Variants in SCAP observed in about 807,000 individuals in gnomAD.
SCAP encodes SREBF chaperone, also known as sterol regulatory element-binding protein cleavage-activating protein.
In SCAP, 65 loss-of-function variants were observed where a neutral mutation model predicts 123.6. The observed-to-expected ratio is 0.53, with a 90% CI of 0.43 to 0.65. The LOEUF (loss-of-function observed/expected upper bound fraction) is 0.65. Ranked by LOEUF, SCAP falls within the 30% of genes least tolerant of loss-of-function variation. SCAP has a pLI of 0.00. For synonymous variants in SCAP, 740 were observed against 726.3 expected (o/e 1.02, Z -0.30); for missense variants, 1,398 against 1,712.5 (o/e 0.82, Z 3.24).
chr3:47,434,467 C>T (rs536010802), intron 3 of SCAP, among the ~76,000 whole-genome samples: 4 of 152,270 alleles, frequency 2.6e-5, no homozygotes, highest in East Asian at 3.9e-4. Context: ...TATCAGTGTT[C>T]GGCCCAGAGA....
intron 18 of SCAP, among the ~76,000 whole-genome samples, chr3:47,416,208 C>T (rs3796354): frequency 1.2e-4 from 18 of 152,198 alleles, no homozygotes; most frequent in Non-Finnish European, 2.1e-4. Context: ...CAAAGGCGTC[C>T]GGCAGAAGGC....
chr3:47,435,469 T>TACACACACACACACAC lies in SCAP; in HGVS notation c.123-348_123-333dup, dbSNP rs57702290. On this transcript the variant is annotated intron_variant, in intron 2 of 22. Transcript: ENST00000265565. The stretch of plus-strand genomic sequence containing the variant: ...AACATTAACATATATAATATAAACA[T>TACACACACACACACAC]ACACACACACACACACACACACACA... Among the ~76,000 whole-genome samples, 229 of 91,942 alleles carry TACACACACACACACAC rather than the reference T, an allele frequency of 2.5e-3. 2 individuals are homozygous for TACACACACACACACAC. The highest frequency in any genetic ancestry group is 7.4e-3 in the African/African-American group (214 of 28,912). 60.3% of individuals were successfully genotyped at this position (91,942 alleles called of 152,430 possible).
At chr3:47,471,443 C>A (rs916999644) in intron 1 of SCAP, among the ~76,000 whole-genome samples, 1 of 152,184 alleles carries the variant, frequency 6.6e-6, no homozygotes, top group Non-Finnish European at 1.5e-5. Context: ...TGACTCTGAG[C>A]TTCCTAGTGG....
At chr3:47,473,819 C>G (rs1396846725) in intron 1 of SCAP, among the ~76,000 whole-genome samples, 1 of 152,152 alleles carries the variant, frequency 6.6e-6, no homozygotes, top group Non-Finnish European at 1.5e-5. Context: ...ATCGCATATG[C>G]CTCCATTTTT....
In SCAP at chr3:47,418,677, G is replaced by T. The variant is rs763355897; in HGVS notation, c.2107C>A (p.His703Asn). The T allele has an allele frequency of 2.0e-6, 3 of 1,502,210 alleles. No homozygotes were observed. The highest frequency in any genetic ancestry group is 1.8e-4 in the Middle Eastern group (1 of 5,494). The allele number at this position is 1,502,210 out of a possible 1,614,324, so 93.1% of individuals were successfully genotyped here. The change falls in exon 14 of 23, where the codon CAT (histidine) becomes AAT (asparagine). Residue 703 changes from histidine (H) to asparagine (N), a missense_variant. Physicochemically the swap from His to Asn is moderately conservative, Grantham distance 68. This residue lies in a region of SCAP where 828 missense variants were observed against 882.5 expected (regional missense o/e 0.94). Transcript: ENST00000265565. ...GPKGPGGVQAHGDVTLYKVAA... is the reference protein window; with the variant it reads ...GPKGPGGVQANGDVTLYKVAA... Reference sequence around the variant, plus strand: ...TACTTGTACAGCGTGACGTCTCCATGGGCCTGCACCCCACCTGGGCCCTTG... The same window carrying T: ...TACTTGTACAGCGTGACGTCTCCATTGGCCTGCACCCCACCTGGGCCCTTG...
chr3:47,425,154 CACAG>C (rs946672957), intron 8 of SCAP: 2 of 244,600 alleles, frequency 8.2e-6, no homozygotes, highest in African/African-American at 4.5e-5. Flanking sequence ...AATACATAAA[CACAG>C]ACACACAAAT....
At chr3:47,461,287 G>A (rs1707631458) in intron 1 of SCAP, among the ~76,000 whole-genome samples, 3 of 152,170 alleles carry the variant, frequency 2.0e-5, no homozygotes. Context: ...TTTGGTCAAA[G>A]TCTAAAAAAC....
chr3:47,474,241 G>C (rs1250487722), intron 1 of SCAP, among the ~76,000 whole-genome samples: 1 of 150,504 alleles, frequency 6.6e-6, no homozygotes, highest in Non-Finnish European at 1.5e-5. Flanking sequence ...CTCCAGCCTG[G>C]GCGACAGAGC....
At chr3:47,456,670 C>G (rs1171546603) in intron 1 of SCAP, among the ~76,000 whole-genome samples, 3 of 151,738 alleles carry the variant, frequency 2.0e-5, no homozygotes, top group East Asian at 1.9e-4. Context: ...GAGGCTGAGA[C>G]AGGAGAATCA....
intron 1 of SCAP, among the ~76,000 whole-genome samples, chr3:47,473,220 T>A: frequency 6.6e-6 from 1 of 151,452 alleles, no homozygotes; most frequent in East Asian, 1.9e-4. Context: ...GCCAGTCAAA[T>A]AACTTTTCTA....
At chr3:47,415,252 G>C in intron 18 of SCAP, 72 bp from the exon 19 acceptor site, 10 of 1,396,160 alleles carry the variant, frequency 7.2e-6, no homozygotes, top group Non-Finnish European at 9.7e-6. Flanking sequence ...ATGTGGACAT[G>C]AGAGTTAAGG....
rs921591019 is a variant in SCAP, at chr3:47,427,503, A to G, written c.575T>C (p.Ile192Thr). Residue 192 changes from isoleucine (I) to threonine (T), a missense_variant, in exon 5 of 23, where the codon ATT becomes ACT. Physicochemically the swap from Ile to Thr is moderately conservative, Grantham distance 89. This residue lies in a region of SCAP where 319 missense variants were observed against 432.4 expected (regional missense o/e 0.74). Coordinates refer to ENST00000265565, the MANE Select transcript of SCAP (RefSeq NM_012235.4). ...AGGCTCGTGCTGGTGGATGGTCCCA[A>G]TGATGTCAGGATCAGCATGGAAGCG... ...WERFHADPDI[I>T]GTIHQHEPKT... 8.7e-6 allele frequency: 14 copies of G among 1,614,064 alleles called. No individual in the cohort carries two copies. Among genetic ancestry groups the G allele is most frequent in the African/African-American group, 5.3e-5 (4 of 74,932 alleles).
intron 3 of SCAP, among the ~76,000 whole-genome samples, chr3:47,431,181 GT>G (rs1706340120): frequency 5.8e-5 from 1 of 17,120 alleles, no homozygotes; most frequent in Non-Finnish European, 1.8e-4. Context: ...GCTCACACAG[GT>G]CTGAGCAGGA....
At chr3:47,465,111 T>C (rs1157467017) in intron 1 of SCAP, among the ~76,000 whole-genome samples, 1 of 151,460 alleles carries the variant, frequency 6.6e-6, no homozygotes, top group Non-Finnish European at 1.5e-5. Flanking sequence ...ATTAAAGACG[T>C]AAAATAAAGG....
Position 47,414,900 on chromosome 3 carries a change from T to G in SCAP, c.3233A>C (p.His1078Pro), listed in dbSNP as rs148360386. 3 of 1,612,720 alleles carry G rather than the reference T, an allele frequency of 1.9e-6. No individual in the cohort carries two copies. The highest frequency in any genetic ancestry group is 2.7e-5 in the African/African-American group (2 of 74,926). The change falls in exon 20 of 23, where the codon CAC (histidine) becomes CCC (proline). Residue 1078 changes from histidine (H) to proline (P), a missense_variant. His to Pro is a moderately conservative substitution (Grantham distance 77). This residue lies in a region of SCAP where 828 missense variants were observed against 882.5 expected (regional missense o/e 0.94). Transcript: ENST00000265565. ...TTTCAGGGCTGTGATGGGTTTTTGG[T>G]GTGCACAGGGCACTGTGTGGGTCAG... Reference protein sequence around the residue: ...CHLTHTVPCAHQKPITALKAA... With the variant: ...CHLTHTVPCAPQKPITALKAA...
chr3:47,433,650 T>C (rs1348340734), intron 3 of SCAP, among the ~76,000 whole-genome samples: 1 of 152,072 alleles, frequency 6.6e-6, no homozygotes, highest in Non-Finnish European at 1.5e-5. Context: ...GTGGATCACC[T>C]GAGGTCAGGA....
At position 47,427,404 on chromosome 3, in the gene SCAP, T is replaced by C. The variant is rs372516316; in HGVS notation, c.631+43A>G. On this transcript the variant is annotated intron_variant, in intron 5 of 22. Transcript: ENST00000265565. ...CACACATCAAAAAGACGGTGACCAATGGGCACCTTTACAGGTCTGAAGGGA... is the reference window on the plus strand; with the variant it reads ...CACACATCAAAAAGACGGTGACCAACGGGCACCTTTACAGGTCTGAAGGGA... 4.4e-6 allele frequency: 7 copies of C among 1,595,376 alleles called. No homozygotes were observed. The South Asian group carries it at 4.4e-5, about 10-fold the overall frequency.
In SCAP at chr3:47,450,990, G is replaced by A. The variant is rs1707212382; in HGVS notation, c.-98-7899C>T. ...GCTTCCCGTGTAGCTAGGATTACAG[G>A]CATGTGCCACCATGGCCAGCTAATT... is the stretch of plus-strand genomic sequence containing the variant. On this transcript the variant is annotated intron_variant, in intron 1 of 22. Coordinates refer to ENST00000265565, the MANE Select transcript of SCAP (RefSeq NM_012235.4). 5.0e-5 allele frequency among the ~76,000 whole-genome samples: 6 copies of A among 119,932 alleles called. 3 individuals are homozygous for A. Among genetic ancestry groups the A allele is most frequent in the Non-Finnish European group, 7.3e-5 (4 of 55,028 alleles). The allele number at this position is 119,932 out of a possible 152,430, so 78.7% of individuals were successfully genotyped here. A position where few individuals can be genotyped will look rare whatever the true frequency, so the allele number is the denominator to read the frequency against.
At chr3:47,460,284 A>G (rs1707582281) in intron 1 of SCAP, among the ~76,000 whole-genome samples, 1 of 152,274 alleles carries the variant, frequency 6.6e-6, no homozygotes, top group Admixed American at 6.5e-5. Flanking sequence ...TTAAGAGATT[A>G]AAGTAAGACA....
Sources: gnomAD v4.1 joint callset for allele counts (sites outside exome capture counted in the v4.1 genomes callset) on GRCh38, gnomAD v4.1.1 for gene constraint, gnomAD v4.1.1 regional missense constraint, MANE v1.5 for transcripts, NCBI Gene and HGNC (gene_info 2026-07-23, HGNC 2026-07-21) for gene names.